LMCD1: variants seen among roughly 807,000 people sequenced by gnomAD.
LMCD1 encodes the protein LIM and cysteine-rich domains protein 1.
Under a neutral mutation model 42.7 loss-of-function variants are expected in LMCD1, and 32 were observed. The ratio of observed to expected loss-of-function variants is 0.75; its 90% CI spans 0.57 to 1.01. The LOEUF (loss-of-function observed/expected upper bound fraction) is 1.01, where lower values mean the gene tolerates loss of function less well. Ranked by LOEUF, LMCD1 falls within the 50% of genes least tolerant of loss-of-function variation. LMCD1 has a pLI of 0.00. For synonymous variants in LMCD1, 178 were observed against 184.9 expected, an observed-to-expected ratio of 0.96 and a Z score of 0.30; for missense variants, 458 against 483.1, an observed-to-expected ratio of 0.95 and a Z score of 0.49.
intron 4 of LMCD1, chr3:8,550,917 G>C: frequency 2.0e-6 from 2 of 985,394 alleles, no homozygotes; most frequent in Non-Finnish European, 2.4e-6. Flanking sequence ...TCGCATATTT[G>C]TTCTGTGTGG....
intron 1 of LMCD1, among the ~76,000 whole-genome samples, chr3:8,508,169 C>T (rs942845901): frequency 6.6e-6 from 1 of 152,170 alleles, no homozygotes; most frequent in Non-Finnish European, 1.5e-5. Context: ...TATCCTAATA[C>T]TCTAAAAATA....
At chr3:8,532,976 C>T in intron 2 of LMCD1, 151 bp downstream of exon 2, 1 of 672,386 alleles carries the variant, frequency 1.5e-6, no homozygotes, top group South Asian at 1.8e-5. Flanking sequence ...CTGCTTGGTC[C>T]AATTCAGAAA....
In LMCD1 at chr3:8,574,371, A is replaced by G. The variant is rs1030812280; in HGVS notation, c.*6773A>G. The G allele has an allele frequency of 2.0e-5, 3 of 152,268 alleles. No individual in the cohort carries two copies. The highest frequency in any genetic ancestry group is 4.4e-5 in the Non-Finnish European group (3 of 68,124). The allele number at this position is 152,268 out of a possible 1,614,324, so 9.4% of individuals were successfully genotyped here. On this transcript the variant is annotated 3_prime_UTR_variant, in exon 6 of 6. Transcript: ENST00000157600. Reference sequence around the variant, plus strand: ...TCATGAAGCAGTCCCCTTTATTTTAAAAAAGTCCCTGTGAGAGCAACAGGA... The same window carrying G: ...TCATGAAGCAGTCCCCTTTATTTTAGAAAAGTCCCTGTGAGAGCAACAGGA...
At chr3:8,553,639 C>A (rs9866914) in intron 4 of LMCD1, among the ~76,000 whole-genome samples, 4,437 of 152,224 alleles carry the variant, frequency 0.029, 247 homozygotes, top group African/African-American at 0.1. Flanking sequence ...TAAAATTAGC[C>A]TTGGCACCTC....
chr3:8,530,963 C>G (rs1402727178), intron 1 of LMCD1, among the ~76,000 whole-genome samples: 1 of 152,210 alleles, frequency 6.6e-6, no homozygotes, highest in African/African-American at 2.4e-5. Context: ...CTCCCTGAAG[C>G]TGTAAATATG....
At chr3:8,565,990 C>T (rs1403960827) in intron 5 of LMCD1, among the ~76,000 whole-genome samples, 1 of 152,144 alleles carries the variant, frequency 6.6e-6, no homozygotes, top group East Asian at 1.9e-4. Flanking sequence ...CATGTGGTTA[C>T]CTAACTCCGG....
chr3:8,510,860 T>C (rs996498442), intron 1 of LMCD1, among the ~76,000 whole-genome samples: 1 of 152,236 alleles, frequency 6.6e-6, no homozygotes, highest in Non-Finnish European at 1.5e-5. Flanking sequence ...GATATTCTCA[T>C]GTCAGATAGA....
chr3:8,554,810 CG>C (rs1019749845), intron 4 of LMCD1, among the ~76,000 whole-genome samples: 3 of 152,158 alleles, frequency 2.0e-5, no homozygotes, highest in African/African-American at 4.8e-5. Flanking sequence ...ACAGATTTCC[CG>C]GGTATGGTCA....
At chr3:8,531,656 T>C (rs1694413508) in intron 1 of LMCD1, among the ~76,000 whole-genome samples, 1 of 152,218 alleles carries the variant, frequency 6.6e-6, no homozygotes, top group Non-Finnish European at 1.5e-5. Flanking sequence ...ACCTCAGACT[T>C]GCCCCTTACA....
At chr3:8,547,750 G>A (rs887723361) in intron 3 of LMCD1, among the ~76,000 whole-genome samples, 2 of 152,054 alleles carry the variant, frequency 1.3e-5, no homozygotes, top group African/African-American at 4.8e-5. Context: ...AAAATTAGCA[G>A]TGGCGGGCAC....
intron 1 of LMCD1, among the ~76,000 whole-genome samples, chr3:8,512,236 A>G (rs145424686): frequency 1.8e-4 from 28 of 152,358 alleles, no homozygotes; most frequent in African/African-American, 6.7e-4. Context: ...ACCTTGGTTA[A>G]CAAGATCTGG....
intron 1 of LMCD1, among the ~76,000 whole-genome samples, chr3:8,523,718 A>C (rs1694245406): frequency 6.6e-6 from 1 of 152,244 alleles, no homozygotes; most frequent in South Asian, 2.1e-4. Flanking sequence ...TTACAACAGG[A>C]AAAATATAGA....
chr3:8,567,127 A>G (rs1281114962), intron 5 of LMCD1, among the ~76,000 whole-genome samples: 2 of 152,196 alleles, frequency 1.3e-5, no homozygotes, highest in Non-Finnish European at 2.9e-5. Flanking sequence ...TTTCTTCACC[A>G]GGGTGTGTAA....
chr3:8,550,956 G>A (rs140902784), intron 4 of LMCD1: 46 of 985,394 alleles, frequency 4.7e-5, no homozygotes, highest in African/African-American at 1.7e-4. Flanking sequence ...CCAAGAACCC[G>A]GGTCCTTGCC....
At chr3:8,536,048 C>G (rs999634096) in intron 2 of LMCD1, among the ~76,000 whole-genome samples, 1 of 152,208 alleles carries the variant, frequency 6.6e-6, no homozygotes, top group Non-Finnish European at 1.5e-5. Context: ...GGCTTGCCCC[C>G]ACTAGCCCCA....
chr3:8,536,403 G>A (rs1279094103), intron 2 of LMCD1, among the ~76,000 whole-genome samples: 1 of 152,204 alleles, frequency 6.6e-6, no homozygotes, highest in Non-Finnish European at 1.5e-5. Context: ...AGAGAAGCAT[G>A]AGGCTTTTTA....
At chr3:8,562,163 G>A (rs376623419) in intron 4 of LMCD1, among the ~76,000 whole-genome samples, 2 of 152,128 alleles carry the variant, frequency 1.3e-5, no homozygotes, top group Non-Finnish European at 2.9e-5. Context: ...ATGAGTTGAG[G>A]TCCACCTTGT....
rs1235869111 is a variant in LMCD1 at position 8,570,728 on chromosome 3, T to C, written c.*3130T>C. ...ATTGCTCAGAAACACACCCTCATCT[T>C]GCACTCTCCTCTTCAAGAACAATCA... On this transcript the variant is annotated 3_prime_UTR_variant, in exon 6 of 6. Transcript: ENST00000157600. 1 of 152,230 alleles carries C rather than the reference T, an allele frequency of 6.6e-6. No homozygotes were observed. Among genetic ancestry groups the C allele is most frequent in the Non-Finnish European group, 1.5e-5 (1 of 68,050 alleles). The allele number at this position is 152,230 out of a possible 1,614,324, so 9.4% of individuals were successfully genotyped here. A position where few individuals can be genotyped will look rare whatever the true frequency, so the allele number is the denominator to read the frequency against.
intron 4 of LMCD1, among the ~76,000 whole-genome samples, chr3:8,557,764 A>G (rs551413607): frequency 6.6e-6 from 1 of 152,222 alleles, no homozygotes; most frequent in African/African-American, 2.4e-5. Context: ...CCCAAGGCAT[A>G]TGGCTGAAAC....
Sources: gnomAD v4.1 joint callset for allele counts (sites outside exome capture counted in the v4.1 genomes callset) on GRCh38, gnomAD v4.1.1 for gene constraint, MANE v1.5 for transcripts, NCBI Gene and HGNC (gene_info 2026-07-23, HGNC 2026-07-21) for gene names.